SSBP2: variants seen among roughly 807,000 people sequenced by gnomAD.
SSBP2 encodes single stranded DNA binding protein 2.
Under a neutral mutation model 61.8 loss-of-function variants are expected in SSBP2, and 17 were observed. That is an observed-to-expected ratio of 0.28 (90% CI 0.19 to 0.41). The LOEUF (loss-of-function observed/expected upper bound fraction) is 0.41, where lower values mean the gene tolerates loss of function less well. Ranked by LOEUF, SSBP2 falls within the 10% of genes least tolerant of loss-of-function variation. The pLI, the probability that SSBP2 is intolerant of heterozygous loss-of-function variation, is 1.00. For missense variants in SSBP2, 310 were observed against 458.7 expected, an observed-to-expected ratio of 0.68 and a Z score of 2.96; for synonymous variants, 139 against 141.3, an observed-to-expected ratio of 0.98 and a Z score of 0.12.
intron 4 of SSBP2, among the ~76,000 whole-genome samples, chr5:81,551,954 A>G (rs1349844638): frequency 6.6e-6 from 1 of 152,168 alleles, no homozygotes; most frequent in Non-Finnish European, 1.5e-5. Flanking sequence ...TGAAGAGGCT[A>G]TTTTCAGAAA....
chr5:81,432,619 G>A (rs1028318336), intron 15 of SSBP2, among the ~76,000 whole-genome samples: 3 of 152,076 alleles, frequency 2.0e-5, no homozygotes, highest in Non-Finnish European at 2.9e-5. Flanking sequence ...GGTGGTGTGC[G>A]CCTGTAATCC....
chr5:81,722,919 A>G (rs979200438), intron 1 of SSBP2, among the ~76,000 whole-genome samples: 2 of 152,030 alleles, frequency 1.3e-5, no homozygotes, highest in East Asian at 3.8e-4. Context: ...TCCCTGATTT[A>G]TATCTAGCAC....
intron 2 of SSBP2, among the ~76,000 whole-genome samples, chr5:81,641,885 G>C (rs1350277018): frequency 6.6e-6 from 1 of 151,972 alleles, no homozygotes; most frequent in Non-Finnish European, 1.5e-5. Context: ...AAATTTGGAA[G>C]GTTGGAGAAT....
chr5:81,415,949 A>G lies in SSBP2; in HGVS notation c.*4555T>C, dbSNP rs1761295898. 6.7e-6 allele frequency: 1 copy of G among 149,144 alleles called. No homozygotes were observed. The highest frequency in any genetic ancestry group is 2.5e-5 in the African/African-American group (1 of 40,340). 9.2% of individuals were successfully genotyped at this position (149,144 alleles called of 1,614,324 possible). On this transcript the variant is annotated 3_prime_UTR_variant, in exon 17 of 17. Transcript: ENST00000320672. The stretch of plus-strand genomic sequence containing the variant: ...AAAAAAGAGGAAAACCTGATCAAGC[A>G]TAGTGGCTCATGCCTGTAATCCCAG...
intron 5 of SSBP2, among the ~76,000 whole-genome samples, chr5:81,508,883 A>G (rs183639062): frequency 6.6e-6 from 1 of 152,212 alleles, no homozygotes; most frequent in Non-Finnish European, 1.5e-5. Flanking sequence ...ATTATAAATT[A>G]TTCTTCTTTA....
chr5:81,527,899 AG>A (rs1770078911), intron 4 of SSBP2, among the ~76,000 whole-genome samples: 1 of 141,578 alleles, frequency 7.1e-6, no homozygotes, highest in Admixed American at 6.8e-5. Flanking sequence ...AACTTAAAGT[AG>A]TAAAAAAAAA....
At chr5:81,706,872 T>C (rs1754431394) in intron 1 of SSBP2, among the ~76,000 whole-genome samples, 1 of 152,202 alleles carries the variant, frequency 6.6e-6, no homozygotes, top group African/African-American at 2.4e-5. Context: ...GTGGGCCATT[T>C]AGATGCACAG....
intron 1 of SSBP2, among the ~76,000 whole-genome samples, chr5:81,699,715 T>A (rs1484336422): frequency 1.3e-5 from 2 of 152,180 alleles, no homozygotes; most frequent in Admixed American, 1.3e-4. Flanking sequence ...ATGTTCATAT[T>A]TTTACTTCCT....
intron 1 of SSBP2, among the ~76,000 whole-genome samples, chr5:81,713,622 A>C (rs1754954744): frequency 6.6e-6 from 1 of 152,180 alleles, no homozygotes; most frequent in South Asian, 2.1e-4. Flanking sequence ...ATTATCCTAA[A>C]CAGAAACCCG....
At chr5:81,613,422 T>C (rs1293329801) in intron 4 of SSBP2, among the ~76,000 whole-genome samples, 1 of 152,188 alleles carries the variant, frequency 6.6e-6, no homozygotes, top group African/African-American at 2.4e-5. Context: ...GTGAATACTT[T>C]GAAATTTTCA....
chr5:81,526,525 G>A (rs1318850491), intron 4 of SSBP2, among the ~76,000 whole-genome samples: 1 of 151,852 alleles, frequency 6.6e-6, no homozygotes, highest in African/African-American at 2.4e-5. Flanking sequence ...AATAAGACTA[G>A]ATAACATATT....
intron 5 of SSBP2, among the ~76,000 whole-genome samples, chr5:81,493,296 AGATAGATT>A (rs1260880568): frequency 1.3e-5 from 2 of 148,246 alleles, no homozygotes; most frequent in South Asian, 2.1e-4. Flanking sequence ...ATAGATAGAT[AGATAGATT>A]AACAGGGTCT....
chr5:81,636,519 A>G, intron 3 of SSBP2, 38 bp downstream of exon 3: 1 of 1,508,792 alleles, frequency 6.6e-7, no homozygotes, highest in Non-Finnish European at 9.1e-7. Flanking sequence ...ATTGAAATGC[A>G]TCATCAAGCC....
At chr5:81,629,564 C>G (rs1206631765) in intron 3 of SSBP2, among the ~76,000 whole-genome samples, 1 of 152,198 alleles carries the variant, frequency 6.6e-6, no homozygotes, top group Non-Finnish European at 1.5e-5. Context: ...TTACCCTTCT[C>G]TCACTCAACT....
intron 9 of SSBP2, among the ~76,000 whole-genome samples, chr5:81,463,988 C>CT (rs1412741648): frequency 6.6e-5 from 10 of 151,952 alleles, no homozygotes; most frequent in African/African-American, 1.7e-4. Flanking sequence ...AGGCTGGTCT[C>CT]AAACTCCTGA....
At chr5:81,607,091 C>G (rs951790936) in intron 4 of SSBP2, among the ~76,000 whole-genome samples, 2 of 152,092 alleles carry the variant, frequency 1.3e-5, no homozygotes, top group Admixed American at 6.5e-5. Context: ...TGAAGACTTC[C>G]TATTTCCTTT....
chr5:81,708,563 C>T (rs1052438936), intron 1 of SSBP2, among the ~76,000 whole-genome samples: 9 of 151,916 alleles, frequency 5.9e-5, no homozygotes, highest in Admixed American at 3.9e-4. Flanking sequence ...AAAATTGTTT[C>T]GTGTTTTCTT....
intron 4 of SSBP2, among the ~76,000 whole-genome samples, chr5:81,522,883 A>G (rs1769600692): frequency 1.3e-5 from 2 of 152,122 alleles, no homozygotes; most frequent in South Asian, 4.1e-4. Flanking sequence ...CAAAGAATCC[A>G]CAGAATAGTA....
chr5:81,517,066 G>C (rs1343515053), intron 4 of SSBP2, among the ~76,000 whole-genome samples: 1 of 152,014 alleles, frequency 6.6e-6, no homozygotes, highest in East Asian at 1.9e-4. Flanking sequence ...GAATTTATGT[G>C]AATTCCCATT....
Sources: gnomAD v4.1 joint callset for allele counts (sites outside exome capture counted in the v4.1 genomes callset) on GRCh38, gnomAD v4.1.1 for gene constraint, MANE v1.5 for transcripts, NCBI Gene and HGNC (gene_info 2026-07-23, HGNC 2026-07-21) for gene names.